The following IHO1 variants were observed in gnomAD, a reference collection of about 807,000 sequenced individuals.
The protein encoded by IHO1 is interactor of HORMAD1 protein 1.
A neutral mutation model predicts 31.0 loss-of-function variants in IHO1; 13 were observed. That is an observed-to-expected ratio of 0.42 (90% CI 0.27 to 0.67). The LOEUF is 0.67. IHO1 is among the 30% of genes least tolerant of loss of function. The pLI is 0.24. For synonymous variants in IHO1, 221 were observed against 248.4 expected, an observed-to-expected ratio of 0.89 and a Z score of 1.04; for missense variants, 599 against 687.5, an observed-to-expected ratio of 0.87 and a Z score of 1.44.
At chr3:49,204,932 G>A (rs1225515640) in intron 1 of IHO1, among the ~76,000 whole-genome samples, 1 of 152,034 alleles carries the variant, frequency 6.6e-6, no homozygotes, top group Admixed American at 6.6e-5. Context: ...GGAGGCTGAG[G>A]CAGGAGAATC....
At chr3:49,240,830 T>C (rs2046622573) in intron 3 of IHO1, among the ~76,000 whole-genome samples, 1 of 152,272 alleles carries the variant, frequency 6.6e-6, no homozygotes, top group African/African-American at 2.4e-5. Flanking sequence ...CCAGTCCACA[T>C]CAAACTTACC....
At chr3:49,238,993 A>C (rs940548622) in intron 3 of IHO1, among the ~76,000 whole-genome samples, 1 of 152,194 alleles carries the variant, frequency 6.6e-6, no homozygotes, top group Non-Finnish European at 1.5e-5. Context: ...CAGCCCAGCA[A>C]GAGAAAACTT....
chr3:49,244,154 T>G (rs987784167), intron 4 of IHO1, among the ~76,000 whole-genome samples: 1 of 151,840 alleles, frequency 6.6e-6, no homozygotes, highest in African/African-American at 2.4e-5. Context: ...GGGGTTTCAC[T>G]GTCTTGGCCA....
At chr3:49,202,480 C>A (rs1244394295) in intron 1 of IHO1, among the ~76,000 whole-genome samples, 6 of 146,610 alleles carry the variant, frequency 4.1e-5, no homozygotes, top group Non-Finnish European at 8.9e-5. Context: ...TGCCTGACAC[C>A]ATGCCCGGCT....
At chr3:49,235,501 T>A (rs2046548803) in intron 2 of IHO1, among the ~76,000 whole-genome samples, 1 of 152,094 alleles carries the variant, frequency 6.6e-6, no homozygotes, top group South Asian at 2.1e-4. Flanking sequence ...GTGCTGGGAT[T>A]ACAGGCGTGA....
Position 49,256,402 on chromosome 3 carries a change from T to TC in IHO1, c.908dup (p.Ala304CysfsTer16). 6.2e-7 allele frequency: 1 copy of TC among 1,614,052 alleles called. No homozygotes were observed. The highest frequency in any genetic ancestry group is 8.5e-7 in the Non-Finnish European group (1 of 1,180,008). ...CCAGTTTTATGGCAGGCCCAGGCCC[T>TC]CCCTGCTGCATGGAATCCTGGTATG... On this transcript the variant is annotated frameshift_variant, in exon 8 of 8. Coordinates refer to ENST00000452691, the MANE Select transcript of IHO1 (RefSeq NM_001135197.2). LOFTEE classifies it low-confidence loss of function (END_TRUNC). This position sits in a 1 kb window ranked among gnomAD's most constrained non-coding sequence, Gnocchi z 4.6.
At chr3:49,246,331 C>T (rs1432819191) in intron 6 of IHO1, among the ~76,000 whole-genome samples, 1 of 151,578 alleles carries the variant, frequency 6.6e-6, no homozygotes, top group African/African-American at 2.4e-5. Context: ...AAGGAAAGTA[C>T]TCTGTTTTTG....
At chr3:49,196,979 C>CTTTT (rs1162418107), upstream of IHO1, among the ~76,000 whole-genome samples, 1 of 94,312 alleles carries the variant, frequency 1.1e-5, no homozygotes, top group Non-Finnish European at 2.2e-5. Flanking sequence ...CACGTTTTTA[C>CTTTT]TTTTTTTTTT....
At chr3:49,217,754 A>C (rs2046307430) in intron 2 of IHO1, among the ~76,000 whole-genome samples, 1 of 152,226 alleles carries the variant, frequency 6.6e-6, no homozygotes, top group Admixed American at 6.5e-5. Context: ...GATGGGAGAC[A>C]GTGACAGATC....
intron 3 of IHO1, among the ~76,000 whole-genome samples, chr3:49,239,276 C>G (rs890337552): frequency 1.3e-4 from 17 of 132,528 alleles, no homozygotes; most frequent in African/African-American, 4.6e-4. Flanking sequence ...CTGGCCACAC[C>G]AAGCTAATTT....
At chr3:49,231,763 A>C (rs2046484443) in intron 2 of IHO1, among the ~76,000 whole-genome samples, 2 of 152,238 alleles carry the variant, frequency 1.3e-5, no homozygotes, top group African/African-American at 4.8e-5. Context: ...TTGCTACTGC[A>C]ATATCTAATG....
intron 2 of IHO1, among the ~76,000 whole-genome samples, chr3:49,213,054 T>A (rs2046242728): frequency 6.6e-6 from 1 of 152,292 alleles, no homozygotes; most frequent in Admixed American, 6.5e-5. Flanking sequence ...GACACAAAAG[T>A]TCTCCAAGTC....
At chr3:49,211,009 T>G (rs1324370894) in intron 1 of IHO1, among the ~76,000 whole-genome samples, 2 of 139,408 alleles carry the variant, frequency 1.4e-5, no homozygotes, top group African/African-American at 5.4e-5. Flanking sequence ...CCATTTAGTT[T>G]TTTTTTTTTT....
At chr3:49,224,013 G>A (rs755564861) in intron 2 of IHO1, among the ~76,000 whole-genome samples, 20 of 152,180 alleles carry the variant, frequency 1.3e-4, no homozygotes, top group Admixed American at 9.2e-4. Flanking sequence ...TGGATGGCCC[G>A]GAAGAGATTT....
In IHO1 at chr3:49,256,554, G is replaced by T. The variant is rs898903669; in HGVS notation, c.1057G>T (p.Val353Leu). 6 of 1,614,058 alleles carry T rather than the reference G, an allele frequency of 3.7e-6. No individual in the cohort carries two copies. In the African/African-American group the frequency reaches 6.7e-5, roughly 18 times the overall value. The change falls in exon 8 of 8, where the codon GTG (valine) becomes TTG (leucine). Residue 353 changes from valine (V) to leucine (L), a missense_variant. Physicochemically the swap from Val to Leu is conservative, Grantham distance 32. Coordinates refer to ENST00000452691, the MANE Select transcript of IHO1 (RefSeq NM_001135197.2). This position sits in a 1 kb window ranked among gnomAD's most constrained non-coding sequence, Gnocchi z 4.6. Reference sequence around the variant, plus strand: ...AAATAGGCATGTAAAGGACAAGGTGGTGCAGACTAACTGCAAGAACTGGGC... The same window carrying T: ...AAATAGGCATGTAAAGGACAAGGTGTTGCAGACTAACTGCAAGAACTGGGC... The part of the protein sequence containing the change: ...ERNRHVKDKV[V>L]QTNCKNWAVT...
chr3:49,195,337 G>A (rs1420478431), upstream of IHO1, among the ~76,000 whole-genome samples: 3 of 151,724 alleles, frequency 2.0e-5, no homozygotes, highest in Non-Finnish European at 2.9e-5. Flanking sequence ...CAGGGGAATC[G>A]CTTGAACCTG....
At chr3:49,230,361 G>A (rs560623503) in intron 2 of IHO1, among the ~76,000 whole-genome samples, 49 of 152,234 alleles carry the variant, frequency 3.2e-4, no homozygotes, top group African/African-American at 1.2e-3. Flanking sequence ...GCCTTTAATA[G>A]TCATAGATTT....
chr3:49,228,866 T>C (rs767444208), intron 2 of IHO1, among the ~76,000 whole-genome samples: 6 of 152,206 alleles, frequency 3.9e-5, no homozygotes, highest in African/African-American at 1.2e-4. Context: ...CGGGTTGCCT[T>C]TGCTGGCTGG....
intron 1 of IHO1, among the ~76,000 whole-genome samples, chr3:49,207,918 C>T (rs1036205394): frequency 6.6e-6 from 1 of 151,688 alleles, no homozygotes; most frequent in African/African-American, 2.4e-5. Flanking sequence ...GGACTACAGG[C>T]GCCTGCCACC....
Sources: allele counts gnomAD v4.1 joint callset (sites outside exome capture counted in the v4.1 genomes callset), GRCh38; gene constraint gnomAD v4.1.1; non-coding constraint Gnocchi (gnomAD v3.1); transcripts MANE v1.5; gene names NCBI Gene and HGNC (gene_info 2026-07-23, HGNC 2026-07-21).